The following LRP1B variants were observed in gnomAD, a reference collection of about 807,000 sequenced individuals.
The protein encoded by LRP1B is LDL receptor related protein 1B, also known as low-density lipoprotein receptor-related protein 1B.
A neutral mutation model predicts 556.6 loss-of-function variants in LRP1B; 217 were observed. That is an observed-to-expected ratio of 0.39 (90% CI 0.35 to 0.44). LRP1B has a LOEUF of 0.44. Among genes scored for constraint, LRP1B ranks in the 20% least tolerant of loss-of-function variants. The pLI, the probability that LRP1B is intolerant of heterozygous loss-of-function variation, is 1.00. For missense variants in LRP1B, 5,053 were observed against 5,620.8 expected (o/e 0.90, Z 3.23); for synonymous variants, 2,047 against 1,865.8 (o/e 1.10, Z -2.50).
intron 2 of LRP1B, among the ~76,000 whole-genome samples, chr2:141,580,119 A>G (rs1686910885): frequency 2.0e-5 from 3 of 152,166 alleles, no homozygotes; most frequent in Non-Finnish European, 4.4e-5. Flanking sequence ...AGGAATCCTT[A>G]CTTTCTATAA....
At chr2:140,960,109 T>G (rs960659042) in intron 18 of LRP1B, among the ~76,000 whole-genome samples, 1 of 151,734 alleles carries the variant, frequency 6.6e-6, no homozygotes, top group Non-Finnish European at 1.5e-5. Flanking sequence ...TGTTCCTAGC[T>G]CTGTGGTTGA....
chr2:141,309,235 G>A (rs529330616), intron 3 of LRP1B, among the ~76,000 whole-genome samples: 5 of 152,236 alleles, frequency 3.3e-5, no homozygotes, highest in African/African-American at 1.2e-4. Context: ...TACAAGTTTT[G>A]GCAAATCTTG....
At position 140,509,843 on chromosome 2, in the gene LRP1B, G is replaced by C. The variant is rs1689577277; in HGVS notation, c.8398+85C>G. ...AGGAACTAGGAAAGCAATGGGAAAT[G>C]TGCTATGGCAAATACTACAAAAACA... On this transcript the variant is annotated intron_variant, in intron 52 of 90. Coordinates refer to ENST00000389484, the MANE Select transcript of LRP1B (RefSeq NM_018557.3). 3 of 1,532,340 alleles carry C rather than the reference G, an allele frequency of 2.0e-6. No individual in the cohort carries two copies. The Admixed American group carries it at 5.9e-5, about 30-fold the overall frequency. The allele number at this position is 1,532,340 out of a possible 1,614,324, so 94.9% of individuals were successfully genotyped here.
At position 141,146,394 on chromosome 2, in the gene LRP1B, T is replaced by C. The variant is rs143616766; in HGVS notation, c.1013+42027A>G. ...TCTTAAATACAGTGAAAGCACATTA[T>C]ATTGAAATAATTAGTGGAAAGCAGT... On this transcript the variant is annotated intron_variant, in intron 7 of 90. Transcript: ENST00000389484. Among the ~76,000 whole-genome samples, 147 of 152,354 alleles carry C rather than the reference T, an allele frequency of 9.6e-4. 2 individuals carry two copies. Among genetic ancestry groups the C allele is most frequent in the South Asian group, 4.3e-3 (21 of 4,832 alleles).
chr2:141,567,980 GT>G (rs1686395043), intron 2 of LRP1B, among the ~76,000 whole-genome samples: 1 of 150,290 alleles, frequency 6.7e-6, no homozygotes, highest in Non-Finnish European at 1.5e-5. Context: ...TGGTTCAGTT[GT>G]TTATCACTGA....
At chr2:141,617,659 A>C (rs1688357321) in intron 2 of LRP1B, among the ~76,000 whole-genome samples, 1 of 152,216 alleles carries the variant, frequency 6.6e-6, no homozygotes, top group Admixed American at 6.5e-5. Flanking sequence ...ATAAGTGTTC[A>C]AAGCAAATCT....
intron 35 of LRP1B, among the ~76,000 whole-genome samples, chr2:140,760,667 C>T (rs1364735776): frequency 6.6e-6 from 1 of 152,146 alleles, no homozygotes; most frequent in African/African-American, 2.4e-5. Flanking sequence ...GGTGGATCAC[C>T]TGAGGTCAGG....
At chr2:141,119,763 A>G (rs1700999599) in intron 7 of LRP1B, among the ~76,000 whole-genome samples, 1 of 151,244 alleles carries the variant, frequency 6.6e-6, no homozygotes, top group African/African-American at 2.4e-5. Context: ...AATTCAACTC[A>G]ACTCAGAAAA....
intron 2 of LRP1B, among the ~76,000 whole-genome samples, chr2:141,742,251 CTTTCTT>C (rs1693737325): frequency 7.6e-6 from 1 of 131,298 alleles, no homozygotes; most frequent in African/African-American, 2.7e-5. Context: ...TTTTTTCTTT[CTTTCTT>C]TTTTTTTTTT....
intron 66 of LRP1B, among the ~76,000 whole-genome samples, chr2:140,391,464 G>A (rs1281692193): frequency 2.6e-5 from 4 of 150,996 alleles, no homozygotes; most frequent in South Asian, 2.1e-4. Flanking sequence ...TCTGTCACAC[G>A]TTGTATACTG....
chr2:140,361,379 T>TATAA (rs1190166439), intron 72 of LRP1B, among the ~76,000 whole-genome samples: 7 of 130,582 alleles, frequency 5.4e-5, no homozygotes, highest in Non-Finnish European at 8.2e-5. Flanking sequence ...TATATATATA[T>TATAA]AACAAAAATA....
At chr2:141,739,415 C>T (rs1693615036) in intron 2 of LRP1B, among the ~76,000 whole-genome samples, 1 of 151,976 alleles carries the variant, frequency 6.6e-6, no homozygotes, top group Non-Finnish European at 1.5e-5. Flanking sequence ...AATGGGGATT[C>T]GTGATCTTAT....
At position 140,291,318 on chromosome 2, in the gene LRP1B, A is replaced by ATATATATATTTTTTT. The variant is rs369391920; in HGVS notation, c.12967+6489_12967+6490insAAAAAAATATATATA. Among the ~76,000 whole-genome samples, 278 of 109,308 alleles carry ATATATATATTTTTTT rather than the reference A, an allele frequency of 2.5e-3. 8 individuals carry two copies. The highest frequency in any genetic ancestry group is 0.012 in the East Asian group (46 of 3,732). The allele number at this position is 109,308 out of a possible 152,430, so 71.7% of individuals were successfully genotyped here. On this transcript the variant is annotated intron_variant, in intron 84 of 90. Coordinates refer to ENST00000389484, the MANE Select transcript of LRP1B (RefSeq NM_018557.3). ...TTATTTTATATATATATATATATAT[A>ATATATATATTTTTTT]TTTTTATTATACTTTAAGTTCTAGG...
At chr2:141,373,392 A>G (rs1455063392) in intron 3 of LRP1B, among the ~76,000 whole-genome samples, 4 of 152,076 alleles carry the variant, frequency 2.6e-5, no homozygotes, top group African/African-American at 9.6e-5. Context: ...TCCAATGTTT[A>G]TGTTAAATCT....
chr2:140,980,279 G>A (rs565295568), intron 18 of LRP1B, among the ~76,000 whole-genome samples: 1 of 152,070 alleles, frequency 6.6e-6, no homozygotes, highest in South Asian at 2.1e-4. Flanking sequence ...GGTATTCTCT[G>A]AATGAGTATG....
At chr2:140,732,820 G>C (rs1421389595) in intron 35 of LRP1B, among the ~76,000 whole-genome samples, 1 of 152,024 alleles carries the variant, frequency 6.6e-6, no homozygotes, top group Admixed American at 6.6e-5. Context: ...AGAGATAAAA[G>C]GAAAACAAGA....
intron 35 of LRP1B, among the ~76,000 whole-genome samples, chr2:140,766,859 T>TAATATATATATA (rs35881662): frequency 3.0e-4 from 15 of 50,206 alleles, no homozygotes; most frequent in African/African-American, 5.9e-4. Flanking sequence ...TATATATATA[T>TAATATATATATA]ATATATAATA....
intron 63 of LRP1B, among the ~76,000 whole-genome samples, chr2:140,446,149 T>A (rs903305131): frequency 3.3e-5 from 5 of 152,180 alleles, no homozygotes; most frequent in African/African-American, 1.2e-4. Context: ...CACAATTATC[T>A]CATACTTTAA....
intron 1 of LRP1B, among the ~76,000 whole-genome samples, chr2:142,080,886 T>G (rs1363791694): frequency 2.0e-4 from 30 of 151,992 alleles, no homozygotes; most frequent in Non-Finnish European, 7.4e-5. Flanking sequence ...TTTTTGAGCT[T>G]ACTGCTAGTG....
Sources: allele counts gnomAD v4.1 joint callset (sites outside exome capture counted in the v4.1 genomes callset), GRCh38; gene constraint gnomAD v4.1.1; transcripts MANE v1.5; gene names NCBI Gene and HGNC (gene_info 2026-07-23, HGNC 2026-07-21).